Variants in XPR1 observed in about 807,000 individuals in gnomAD.
XPR1 encodes solute carrier family 53 member 1.
A neutral mutation model predicts 87.5 loss-of-function variants in XPR1; 28 were observed. The ratio of observed to expected loss-of-function variants is 0.32; its 90% CI spans 0.24 to 0.44. The LOEUF (loss-of-function observed/expected upper bound fraction) is 0.44. Ranked by LOEUF, XPR1 falls within the 20% of genes least tolerant of loss-of-function variation. The pLI, the probability that XPR1 is intolerant of heterozygous loss-of-function variation, is 1.00. For synonymous variants in XPR1, 300 were observed against 306.1 expected (o/e 0.98, Z 0.21); for missense variants, 559 against 862.3 (o/e 0.65, Z 4.41).
At chr1:180,802,498 C>A (rs1213299935) in intron 3 of XPR1, among the ~76,000 whole-genome samples, 2 of 152,260 alleles carry the variant, frequency 1.3e-5, no homozygotes, top group East Asian at 3.9e-4. Flanking sequence ...AACTGTATAA[C>A]CAGAAACATT....
chr1:180,847,218 A>G (rs1230199753), intron 11 of XPR1, among the ~76,000 whole-genome samples: 1 of 152,234 alleles, frequency 6.6e-6, no homozygotes, highest in South Asian at 2.1e-4. Flanking sequence ...CTTCTCACTT[A>G]TGAATATTAG....
chr1:180,806,632 A>G, intron 6 of XPR1, 75 bp downstream of exon 6: 2 of 1,368,798 alleles, frequency 1.5e-6, no homozygotes, highest in Non-Finnish European at 2.0e-6. Context: ...TGGCCCCATT[A>G]TCTTAAAAAA....
At position 180,703,393 on chromosome 1, in the gene XPR1, G is replaced by T. The variant is rs1036505549; in HGVS notation, c.121+20982G>T. On this transcript the variant is annotated intron_variant, in intron 2 of 14. Transcript: ENST00000367590. ...AGAGCAGACCTATCTGCAGGCCTCTGGATAACGCATGCGGGTGCCAGCATC... is the reference window on the plus strand; with the variant it reads ...AGAGCAGACCTATCTGCAGGCCTCTTGATAACGCATGCGGGTGCCAGCATC... 2.6e-5 allele frequency among the ~76,000 whole-genome samples: 4 copies of T among 152,262 alleles called. No homozygotes were observed. The South Asian group carries it at 8.3e-4, about 32-fold the overall frequency.
At chr1:180,865,733 C>T (rs1652367868) in intron 12 of XPR1, among the ~76,000 whole-genome samples, 1 of 151,998 alleles carries the variant, frequency 6.6e-6, no homozygotes, top group Non-Finnish European at 1.5e-5. Context: ...TGATCCATTC[C>T]CGCTTTTACA....
At chr1:180,776,314 T>C (rs1246660545) in intron 2 of XPR1, among the ~76,000 whole-genome samples, 1 of 152,126 alleles carries the variant, frequency 6.6e-6, no homozygotes, top group East Asian at 1.9e-4. Flanking sequence ...AACATTTATG[T>C]CTATAAGATG....
chr1:180,636,692 A>G lies in XPR1; in HGVS notation c.69+4422A>G, dbSNP rs1267093063. ...TGTGCTGGGTAAGGATTTCAGGTATATTTGAGTTGTAGGCCCCAAAGGAGT... is the reference window on the plus strand; with the variant it reads ...TGTGCTGGGTAAGGATTTCAGGTATGTTTGAGTTGTAGGCCCCAAAGGAGT... On this transcript the variant is annotated intron_variant, in intron 1 of 14. Transcript: ENST00000367590. Among the ~76,000 whole-genome samples the G allele has an allele frequency of 2.6e-5, 4 of 152,290 alleles. No individual in the cohort carries two copies. The East Asian group carries it at 7.7e-4, about 29-fold the overall frequency.
At chr1:180,727,724 AC>A (rs1353073114) in intron 2 of XPR1, among the ~76,000 whole-genome samples, 1 of 152,190 alleles carries the variant, frequency 6.6e-6, no homozygotes, top group Non-Finnish European at 1.5e-5. Flanking sequence ...ACAAGAGCAT[AC>A]TCAAGGGCTG....
intron 9 of XPR1, among the ~76,000 whole-genome samples, chr1:180,825,916 G>A (rs1177786375): frequency 8.5e-5 from 13 of 152,140 alleles, no homozygotes; most frequent in African/African-American, 2.4e-5. Context: ...TGGGGGTGGT[G>A]GCCCATGCCT....
intron 7 of XPR1, among the ~76,000 whole-genome samples, chr1:180,819,939 G>T (rs187118470): frequency 2.4e-3 from 369 of 151,912 alleles, no homozygotes; most frequent in Admixed American, 3.9e-3. Flanking sequence ...AGAATCACTT[G>T]GACCCAGGAG....
chr1:180,636,350 T>G (rs1416252944), intron 1 of XPR1, among the ~76,000 whole-genome samples: 1 of 152,240 alleles, frequency 6.6e-6, no homozygotes, highest in Non-Finnish European at 1.5e-5. Context: ...TAGTATAGTG[T>G]GTTTAAGATA....
chr1:180,840,566 G>GTGTGTGTA lies in XPR1; in HGVS notation c.1501+3851_1501+3852insGTGTGTAT, dbSNP rs1258711178. Among the ~76,000 whole-genome samples the GTGTGTGTA allele has an allele frequency of 3.4e-3, 467 of 136,344 alleles. 7 individuals are homozygous for GTGTGTGTA. The East Asian group carries it at 0.043, about 13-fold the overall frequency. 89.4% of individuals were successfully genotyped at this position (136,344 alleles called of 152,430 possible). Reference sequence around the variant, plus strand: ...TGTGTGTGTGTGTGTGTGTGTGTGTGTATATATATATATATATATATATAA... The same window carrying GTGTGTGTA: ...TGTGTGTGTGTGTGTGTGTGTGTGTGTGTGTGTATATATATATATATATATATATATAA... On this transcript the variant is annotated intron_variant, in intron 11 of 14. Coordinates refer to ENST00000367590, the MANE Select transcript of XPR1 (RefSeq NM_004736.4).
At chr1:180,833,029 A>G (rs530882296) in intron 9 of XPR1, among the ~76,000 whole-genome samples, 1 of 152,204 alleles carries the variant, frequency 6.6e-6, no homozygotes, top group South Asian at 2.1e-4. Flanking sequence ...ATCCTCTCTT[A>G]TTTCCTTGAG....
At chr1:180,658,794 C>T (rs1035051669) in intron 1 of XPR1, among the ~76,000 whole-genome samples, 3 of 150,902 alleles carry the variant, frequency 2.0e-5, no homozygotes, top group Admixed American at 6.6e-5. Flanking sequence ...TGGTCTCAAT[C>T]TCCTGACCTC....
chr1:180,850,745 G>A (rs763407969), intron 11 of XPR1, among the ~76,000 whole-genome samples: 2 of 151,982 alleles, frequency 1.3e-5, no homozygotes, highest in African/African-American at 4.8e-5. Context: ...ATCACTTAAG[G>A]CCTGGAGTTC....
Position 180,753,475 on chromosome 1 carries a change from G to A in XPR1, c.122-34278G>A, listed in dbSNP as rs370703646. Among the ~76,000 whole-genome samples the A allele has an allele frequency of 8.6e-5, 13 of 152,006 alleles. No homozygotes were observed. In the East Asian group the frequency reaches 2.1e-3, roughly 25 times the overall value. On this transcript the variant is annotated intron_variant, in intron 2 of 14. Coordinates refer to ENST00000367590, the MANE Select transcript of XPR1 (RefSeq NM_004736.4). The stretch of plus-strand genomic sequence containing the variant: ...AGGCTAAAGTGAGAGGATGGCTTGA[G>A]CCCAGGAGGCGGAGGTTGCAGTAAG...
chr1:180,747,203 G>GT (rs1363506375), intron 2 of XPR1, among the ~76,000 whole-genome samples: 1 of 151,988 alleles, frequency 6.6e-6, no homozygotes, highest in Non-Finnish European at 1.5e-5. Context: ...AAACTTAGAC[G>GT]TAAGTATACA....
intron 2 of XPR1, among the ~76,000 whole-genome samples, chr1:180,687,791 A>G (rs1656836807): frequency 1.3e-5 from 2 of 152,008 alleles, no homozygotes; most frequent in South Asian, 4.1e-4. Flanking sequence ...TAATATTCTG[A>G]AATAATATAG....
At chr1:180,642,844 G>T (rs116676967) in intron 1 of XPR1, among the ~76,000 whole-genome samples, 2 of 152,216 alleles carry the variant, frequency 1.3e-5, no homozygotes, top group Middle Eastern at 3.4e-3. Context: ...TGCAGAGGTG[G>T]TGTTTGAAAT....
chr1:180,796,339 G>A (rs1649572761), intron 3 of XPR1, among the ~76,000 whole-genome samples: 4 of 152,030 alleles, frequency 2.6e-5, no homozygotes. Flanking sequence ...TGATAGATAT[G>A]AAAATCTCAT....
Sources: gnomAD v4.1 joint callset for allele counts (sites outside exome capture counted in the v4.1 genomes callset) on GRCh38, gnomAD v4.1.1 for gene constraint, MANE v1.5 for transcripts, NCBI Gene and HGNC (gene_info 2026-07-23, HGNC 2026-07-21) for gene names.